The following NCKAP5 variants were observed in gnomAD, a reference collection of about 807,000 sequenced individuals.
NCKAP5 encodes the protein nck-associated protein 5.
Under a neutral mutation model 167.0 loss-of-function variants are expected in NCKAP5, and 92 were observed. The observed-to-expected ratio is 0.55, with a 90% CI of 0.47 to 0.66. NCKAP5 has a LOEUF of 0.66. Among genes scored for constraint, NCKAP5 ranks in the 30% least tolerant of loss-of-function variants. The pLI is 0.00. For missense variants in NCKAP5, 2,378 were observed against 2,315.0 expected, an observed-to-expected ratio of 1.03 and a Z score of -0.56; for synonymous variants, 891 against 877.4, an observed-to-expected ratio of 1.02 and a Z score of -0.27.
chr2:133,471,506 A>G (rs1448011016), intron 3 of NCKAP5, among the ~76,000 whole-genome samples: 4 of 152,172 alleles, frequency 2.6e-5, no homozygotes, highest in East Asian at 3.9e-4. Flanking sequence ...CTAGGTTTTC[A>G]TATCAGGGGG....
At chr2:133,659,042 G>A in the NCKAP5 span, among the ~76,000 whole-genome samples, 2 of 151,968 alleles carry the variant, frequency 1.3e-5, no homozygotes, top group South Asian at 2.1e-4. Context: ...TCCTTTTTGT[G>A]TTTCTTTTTA....
chr2:133,407,722 C>T (rs1688527742), intron 3 of NCKAP5, among the ~76,000 whole-genome samples: 1 of 152,160 alleles, frequency 6.6e-6, no homozygotes, highest in African/African-American at 2.4e-5. Flanking sequence ...GCTGAGAAAA[C>T]ATTACAACAA....
chr2:133,133,319 C>T (rs2082676514), intron 5 of NCKAP5, among the ~76,000 whole-genome samples: 1 of 152,326 alleles, frequency 6.6e-6, no homozygotes, highest in East Asian at 1.9e-4. Flanking sequence ...GGCTTGAAGA[C>T]ACCTGCCTAG....
At chr2:133,625,627 T>C in the NCKAP5 span, among the ~76,000 whole-genome samples, 3 of 152,142 alleles carry the variant, frequency 2.0e-5, no homozygotes, top group East Asian at 1.9e-4. Flanking sequence ...ATAAGTCACT[T>C]TGGGAGGCCG....
At chr2:133,018,284 T>C (rs2078413930) in intron 6 of NCKAP5, among the ~76,000 whole-genome samples, 1 of 152,110 alleles carries the variant, frequency 6.6e-6, no homozygotes, top group Non-Finnish European at 1.5e-5. Context: ...AGGCCTGAGT[T>C]CTTGAGGGCA....
intron 3 of NCKAP5, among the ~76,000 whole-genome samples, chr2:133,467,638 C>T (rs1692703386): frequency 6.7e-6 from 1 of 150,318 alleles, no homozygotes; most frequent in Middle Eastern, 3.2e-3. Context: ...TCCATCTGGT[C>T]CTGGACTCTT....
chr2:133,020,236 C>A (rs1352938574), intron 6 of NCKAP5, among the ~76,000 whole-genome samples: 2 of 152,174 alleles, frequency 1.3e-5, no homozygotes, highest in African/African-American at 4.8e-5. Context: ...GCATAAAGAA[C>A]ATTCAAATGA....
chr2:133,016,707 G>A (rs2078350916), intron 6 of NCKAP5, among the ~76,000 whole-genome samples: 1 of 152,098 alleles, frequency 6.6e-6, no homozygotes, highest in Admixed American at 6.5e-5. Flanking sequence ...CTTTTAAAAA[G>A]TTTGTGTCTG....
intron 3 of NCKAP5, among the ~76,000 whole-genome samples, chr2:133,406,900 A>T (rs775481635): frequency 6.6e-6 from 1 of 152,192 alleles, no homozygotes; most frequent in Non-Finnish European, 1.5e-5. Flanking sequence ...ATTCCTATCA[A>T]ACCCAAACTG....
At chr2:133,129,033 C>G (rs1161487971) in intron 6 of NCKAP5, among the ~76,000 whole-genome samples, 3 of 148,498 alleles carry the variant, frequency 2.0e-5, no homozygotes, top group Non-Finnish European at 3.0e-5. Flanking sequence ...GTCACATACT[C>G]TCTCTTTGTC....
intron 3 of NCKAP5, among the ~76,000 whole-genome samples, chr2:133,357,584 C>T (rs1684828208): frequency 6.6e-6 from 1 of 152,044 alleles, no homozygotes; most frequent in Admixed American, 6.5e-5. Flanking sequence ...AGAAAAGGTA[C>T]AAATGGGTTT....
intron 19 of NCKAP5, among the ~76,000 whole-genome samples, chr2:132,683,413 A>G (rs549915697): frequency 4.6e-5 from 7 of 152,290 alleles, no homozygotes; most frequent in African/African-American, 7.2e-5. Flanking sequence ...CTTTTTGTCA[A>G]GAGCAAAGAC....
chr2:133,421,954 AT>A (rs1689504837), intron 3 of NCKAP5, among the ~76,000 whole-genome samples: 1 of 152,104 alleles, frequency 6.6e-6, no homozygotes, highest in Admixed American at 6.5e-5. Context: ...CCACTCATTC[AT>A]TTCTTTCCAC....
At chr2:133,515,069 G>A (rs1051678870) in intron 3 of NCKAP5, among the ~76,000 whole-genome samples, 2 of 152,092 alleles carry the variant, frequency 1.3e-5, no homozygotes, top group Non-Finnish European at 2.9e-5. Context: ...AATTTGTGTG[G>A]CTTCAGCATA....
rs1010395989 is a variant in NCKAP5, at chr2:133,065,869, C to T, written c.341+64109G>A. On this transcript the variant is annotated intron_variant, in intron 6 of 19. Coordinates refer to ENST00000409261, the MANE Select transcript of NCKAP5 (RefSeq NM_207363.3). ...CAATGTGAGATCACATATGATATAA[C>T]GAATATTTGGTAGAAAACTGTTGAC... Among the ~76,000 whole-genome samples the T allele has an allele frequency of 5.3e-5, 8 of 152,190 alleles. No homozygotes were observed. In the South Asian group the frequency reaches 1.0e-3, roughly 20 times the overall value.
At chr2:132,925,398 C>CAAA (rs112681327) in intron 8 of NCKAP5, among the ~76,000 whole-genome samples, 2 of 130,550 alleles carry the variant, frequency 1.5e-5, no homozygotes, top group African/African-American at 5.7e-5. Flanking sequence ...ACTAAAAGTA[C>CAAA]AAAAAAAAAA....
intron 4 of NCKAP5, among the ~76,000 whole-genome samples, chr2:133,286,333 C>G (rs1679138213): frequency 6.6e-6 from 1 of 152,156 alleles, no homozygotes; most frequent in Non-Finnish European, 1.5e-5. Flanking sequence ...AAGTCTTGGC[C>G]TTGGAAAAAG....
the NCKAP5 span, among the ~76,000 whole-genome samples, chr2:133,577,505 T>C: frequency 6.6e-6 from 1 of 152,188 alleles, no homozygotes; most frequent in Non-Finnish European, 1.5e-5. Context: ...TCTTCTTTTT[T>C]TTAATAGGAT....
At chr2:132,833,607 A>C (rs567060873) in intron 11 of NCKAP5, among the ~76,000 whole-genome samples, 1 of 152,336 alleles carries the variant, frequency 6.6e-6, no homozygotes, top group African/African-American at 2.4e-5. Flanking sequence ...AGAATCATTT[A>C]TTCAAAAGAG....
Sources: gnomAD v4.1 joint callset for allele counts (sites outside exome capture counted in the v4.1 genomes callset) on GRCh38, gnomAD v4.1.1 for gene constraint, MANE v1.5 for transcripts, NCBI Gene and HGNC (gene_info 2026-07-23, HGNC 2026-07-21) for gene names.